APPL1: variants seen among roughly 807,000 people sequenced by gnomAD.
APPL1 encodes DCC-interacting protein 13-alpha.
A neutral mutation model predicts 106.8 loss-of-function variants in APPL1; 42 were observed. The observed-to-expected ratio is 0.39, with a 90% CI of 0.31 to 0.51. The LOEUF (loss-of-function observed/expected upper bound fraction) is 0.51. APPL1 is among the 20% of genes least tolerant of loss of function. The pLI is 0.75. For missense variants in APPL1, 769 were observed against 858.2 expected (o/e 0.90, Z 1.30); for synonymous variants, 263 against 281.8 (o/e 0.93, Z 0.67).
rs1467069283 is a variant in APPL1 at position 57,270,517 on chromosome 3, GA to G, written c.*831del. On this transcript the variant is annotated 3_prime_UTR_variant, in exon 22 of 22. Transcript: ENST00000288266. The stretch of plus-strand genomic sequence containing the variant: ...ACAAGTAAAGATACTGCTATGGAAT[GA>G]TACATTGTATTTTCTGCATTGTGTG... 6 of 152,620 alleles carry G rather than the reference GA, an allele frequency of 3.9e-5. No homozygotes were observed. Among genetic ancestry groups the G allele is most frequent in the Non-Finnish European group, 7.4e-5 (5 of 68,026 alleles). The allele number at this position is 152,620 out of a possible 1,614,324, so 9.5% of individuals were successfully genotyped here. A position where few individuals can be genotyped will look rare whatever the true frequency, so the allele number is the denominator to read the frequency against.
At position 57,246,310 on chromosome 3, in the gene APPL1, A is replaced by G. The variant is rs971823673; in HGVS notation, c.621+88A>G. 33 of 938,392 alleles carry G rather than the reference A, an allele frequency of 3.5e-5. No individual in the cohort carries two copies. In the African/African-American group the frequency reaches 4.7e-4, roughly 13 times the overall value. 58.1% of individuals were successfully genotyped at this position (938,392 alleles called of 1,614,324 possible). ...TACATTAAGTATAAGGGTATTATAA[A>G]CTATTTTCAACATCCTTGTTTATGT... On this transcript the variant is annotated intron_variant, in intron 8 of 21. Transcript: ENST00000288266.
intron 19 of APPL1, among the ~76,000 whole-genome samples, chr3:57,262,099 T>C (rs2060869456): frequency 6.6e-6 from 1 of 152,162 alleles, no homozygotes; most frequent in Non-Finnish European, 1.5e-5. Flanking sequence ...CTGCATACTT[T>C]TAAGTGGGAT....
chr3:57,227,832 G>T lies in APPL1; in HGVS notation c.-52G>T. The T allele has an allele frequency of 2.1e-6, 3 of 1,415,658 alleles. No individual in the cohort carries two copies. Among genetic ancestry groups the T allele is most frequent in the Admixed American group, 2.3e-5 (1 of 42,834 alleles). The allele number at this position is 1,415,658 out of a possible 1,614,324, so 87.7% of individuals were successfully genotyped here. A position where few individuals can be genotyped will look rare whatever the true frequency, so the allele number is the denominator to read the frequency against. On this transcript the variant is annotated 5_prime_UTR_variant, in exon 1 of 22. Transcript: ENST00000288266. ...CAGCTGCGGCGGGCGGGCCGGCGCG[G>T]GGAGCTGTGGGCGGCAGCTGCGTCT... is the stretch of plus-strand genomic sequence containing the variant.
At chr3:57,252,992 T>C (rs1271328433) in intron 12 of APPL1, among the ~76,000 whole-genome samples, 1 of 152,300 alleles carries the variant, frequency 6.6e-6, no homozygotes, top group African/African-American at 2.4e-5. Flanking sequence ...TTACTTCTTA[T>C]GGAAAAGAGT....
intron 19 of APPL1, among the ~76,000 whole-genome samples, chr3:57,263,399 C>G (rs767373352): frequency 6.6e-6 from 1 of 151,470 alleles, no homozygotes; most frequent in Non-Finnish European, 1.5e-5. Context: ...CTCCCACCCC[C>G]CATCCCCACA....
intron 4 of APPL1, among the ~76,000 whole-genome samples, chr3:57,238,689 A>AT (rs561368273): frequency 6.6e-6 from 1 of 152,164 alleles, no homozygotes; most frequent in Non-Finnish European, 1.5e-5. Context: ...TGGAAAAGTA[A>AT]TTTTTTTGAA....
At chr3:57,269,303 TAAAAA>T in intron 21 of APPL1, 1 of 414,866 alleles carries the variant, frequency 2.4e-6, no homozygotes, top group East Asian at 4.0e-5. Context: ...TTGTTGGTCA[TAAAAA>T]AAGAAAGATA....
Position 57,260,121 on chromosome 3 carries a change from A to G in APPL1, c.1663A>G (p.Ile555Val), listed in dbSNP as rs1490165407. The G allele has an allele frequency of 6.2e-7, 1 of 1,606,742 alleles. No homozygotes were observed. The highest frequency in any genetic ancestry group is 8.5e-7 in the Non-Finnish European group (1 of 1,178,566). The change falls in exon 18 of 22, where the codon ATT becomes GTT. Residue 555 changes from isoleucine (I) to valine (V), a missense_variant. By Grantham distance (29) the Ile-to-Val change is conservative (BLOSUM62 3). Transcript: ENST00000288266. ...ATTTTTAAATTATTATTTTAGGTTA[A>G]TTGATCCACAGACACAAGTTACAAG... Reference protein sequence around the residue: ...LLVTCDCLKLIDPQTQVTRLT... With the variant: ...LLVTCDCLKLVDPQTQVTRLT...
chr3:57,259,131 CTG>C (rs780234813), intron 16 of APPL1, 51 bp downstream of exon 16: 106 of 1,431,540 alleles, frequency 7.4e-5, no homozygotes, highest in Middle Eastern at 1.8e-4. Context: ...TCTCAGCAAA[CTG>C]TGAATAATTT....
chr3:57,254,338 C>T (rs2060823738), intron 13 of APPL1, among the ~76,000 whole-genome samples: 1 of 152,200 alleles, frequency 6.6e-6, no homozygotes. Flanking sequence ...TGGCCTCTGC[C>T]CTCTAGGAGC....
chr3:57,245,461 C>G (rs2060767587), intron 7 of APPL1, among the ~76,000 whole-genome samples: 1 of 152,022 alleles, frequency 6.6e-6, no homozygotes, highest in South Asian at 2.1e-4. Flanking sequence ...GTCTGCCATT[C>G]CTCCTTGTCG....
At chr3:57,258,913 G>T in intron 15 of APPL1, 115 bp from the exon 16 acceptor site, 1 of 713,666 alleles carries the variant, frequency 1.4e-6, no homozygotes, top group Non-Finnish European at 2.3e-6. Context: ...TAATAGGATG[G>T]GGCATTTTAG....
intron 1 of APPL1, among the ~76,000 whole-genome samples, chr3:57,229,257 G>A (rs1459434597): frequency 6.6e-6 from 1 of 151,820 alleles, no homozygotes; most frequent in East Asian, 1.9e-4. Flanking sequence ...TTGGTCAGGT[G>A]TACTTTGTCA....
rs766756073 is a variant in APPL1, at chr3:57,260,652, T to C, written c.1720T>C (p.Tyr574His). Residue 574 changes from tyrosine to histidine, a missense_variant, in exon 19 of 22, where the codon TAT becomes CAT. Physicochemically the swap from Tyr to His is moderately conservative, Grantham distance 83. Coordinates refer to ENST00000288266, the MANE Select transcript of APPL1 (RefSeq NM_012096.3). ...LTFPLPCVVL[Y>H]ATHQENKRLF... ...GTTTCCATTACCTTGTGTAGTTTTG[T>C]ATGCTACACACCAGGAAAATAAGCG... 2 of 1,611,124 alleles carry C rather than the reference T, an allele frequency of 1.2e-6. No individual in the cohort carries two copies. Among genetic ancestry groups the C allele is most frequent in the Non-Finnish European group, 1.7e-6 (2 of 1,178,304 alleles).
chr3:57,252,178 G>T, intron 11 of APPL1, 91 bp from the exon 12 acceptor site: 1 of 1,000,702 alleles, frequency 1.0e-6, no homozygotes, highest in Non-Finnish European at 1.5e-6. Flanking sequence ...TTTTATATAT[G>T]CCTTTAACTT....
chr3:57,238,245 G>C, intron 4 of APPL1, 129 bp downstream of exon 4: 1 of 607,542 alleles, frequency 1.6e-6, no homozygotes, highest in Non-Finnish European at 2.8e-6. Context: ...TCCACATCCT[G>C]GTGGCTGGCT....
Position 57,242,107 on chromosome 3 carries a change from T to C in APPL1, c.380T>C (p.Leu127Pro). The change falls in exon 6 of 22, where the codon CTA becomes CCA. Residue 127 changes from leucine (L) to proline (P), a missense_variant. Physicochemically the swap from Leu to Pro is moderately conservative, Grantham distance 98. Coordinates refer to ENST00000288266, the MANE Select transcript of APPL1 (RefSeq NM_012096.3). ...QFKERDLKEILTLKEVFQIAS... is the reference protein window; with the variant it reads ...QFKERDLKEIPTLKEVFQIAS... The stretch of plus-strand genomic sequence containing the variant: ...TATTCTTGAACTTTTTCAGAAATAC[T>C]AACATTAAAGGAAGTATTTCAGATT... 2.5e-6 allele frequency: 4 copies of C among 1,590,536 alleles called. No individual in the cohort carries two copies. The highest frequency in any genetic ancestry group is 3.4e-6 in the Non-Finnish European group (4 of 1,165,472).
chr3:57,262,056 T>G (rs995402808), intron 19 of APPL1, among the ~76,000 whole-genome samples: 1 of 152,184 alleles, frequency 6.6e-6, no homozygotes, highest in Non-Finnish European at 1.5e-5. Flanking sequence ...TTGGCTGTTT[T>G]TGTGTCCTTT....
rs553598840 is a variant in APPL1, at chr3:57,265,298, G to A, written c.1843-2444G>A. Among the ~76,000 whole-genome samples, 8 of 151,984 alleles carry A rather than the reference G, an allele frequency of 5.3e-5. No homozygotes were observed. In the East Asian group the frequency reaches 9.7e-4, roughly 18 times the overall value. On this transcript the variant is annotated intron_variant, in intron 19 of 21. Coordinates refer to ENST00000288266, the MANE Select transcript of APPL1 (RefSeq NM_012096.3). ...CAGGTACCTGGGATTACAGGTATGC[G>A]CCACCACCACCTGGCTAATTTTTGT...
Sources: allele counts gnomAD v4.1 joint callset (sites outside exome capture counted in the v4.1 genomes callset), GRCh38; gene constraint gnomAD v4.1.1; transcripts MANE v1.5; gene names NCBI Gene and HGNC (gene_info 2026-07-23, HGNC 2026-07-21).